ARB2A: variants seen among roughly 807,000 people sequenced by gnomAD.
The protein encoded by ARB2A is cotranscriptional regulator ARB2A.
chr5:93,757,705 A>G, the ARB2A span, among the ~76,000 whole-genome samples: 3 of 152,320 alleles, frequency 2.0e-5, no homozygotes, highest in Admixed American at 2.0e-4. Context: ...CTACCACTAC[A>G]GGAACTGCTA....
chr5:93,844,446 GA>G, the ARB2A span, among the ~76,000 whole-genome samples: 11 of 145,808 alleles, frequency 7.5e-5, no homozygotes, highest in East Asian at 2.0e-4. Context: ...CATCTCAAAA[GA>G]AAAAAAAAAT....
At chr5:93,963,197 T>C in the ARB2A span, among the ~76,000 whole-genome samples, 1 of 151,992 alleles carries the variant, frequency 6.6e-6, no homozygotes, top group Non-Finnish European at 1.5e-5. Context: ...AATTTCAATA[T>C]ATACTTTAAA....
chr5:93,985,792 G>A, the ARB2A span, among the ~76,000 whole-genome samples: 12 of 152,256 alleles, frequency 7.9e-5, no homozygotes, highest in Middle Eastern at 6.8e-3. Flanking sequence ...CCTCCCAGCC[G>A]CCTGCCTTGG....
the ARB2A span, among the ~76,000 whole-genome samples, chr5:94,008,734 AT>A: frequency 2.0e-5 from 3 of 152,152 alleles, no homozygotes; most frequent in Non-Finnish European, 4.4e-5. Context: ...ATATATCTGT[AT>A]GCTTTTCTTC....
chr5:94,045,377 C>T, the ARB2A span, among the ~76,000 whole-genome samples: 3 of 152,010 alleles, frequency 2.0e-5, no homozygotes, highest in African/African-American at 4.8e-5. Flanking sequence ...TCCAAGAACG[C>T]TCTCTTGGGG....
the ARB2A span, among the ~76,000 whole-genome samples, chr5:93,999,784 A>G: frequency 6.6e-6 from 1 of 152,034 alleles, no homozygotes; most frequent in Non-Finnish European, 1.5e-5. Flanking sequence ...AGTACCATAC[A>G]TAGTATTTTT....
At chr5:93,936,811 A>G in the ARB2A span, among the ~76,000 whole-genome samples, 1 of 152,064 alleles carries the variant, frequency 6.6e-6, no homozygotes, top group Non-Finnish European at 1.5e-5. Context: ...TATACCCAGT[A>G]TTGACCATGT....
At chr5:93,919,107 T>C in the ARB2A span, among the ~76,000 whole-genome samples, 1 of 152,234 alleles carries the variant, frequency 6.6e-6, no homozygotes, top group East Asian at 1.9e-4. Context: ...GTCAGCAAAG[T>C]TAGGGAGAAA....
the ARB2A span, among the ~76,000 whole-genome samples, chr5:94,014,614 C>T: frequency 2.6e-5 from 4 of 152,000 alleles, no homozygotes; most frequent in African/African-American, 9.6e-5. Context: ...TTCAAAGTAG[C>T]AGTGTTAAGG....
At chr5:93,986,746 G>GT in the ARB2A span, among the ~76,000 whole-genome samples, 2 of 152,178 alleles carry the variant, frequency 1.3e-5, no homozygotes, top group African/African-American at 2.4e-5. Context: ...AACATGTGCT[G>GT]TGTCAACTCA....
chr5:93,774,454 G>T, the ARB2A span, among the ~76,000 whole-genome samples: 1 of 152,170 alleles, frequency 6.6e-6, no homozygotes, highest in African/African-American at 2.4e-5. Context: ...AAATTCTTGA[G>T]GAAATTAAAA....
At chr5:94,016,885 A>C in the ARB2A span, among the ~76,000 whole-genome samples, 2 of 152,166 alleles carry the variant, frequency 1.3e-5, no homozygotes, top group African/African-American at 4.8e-5. Context: ...GTAGGGTTGA[A>C]GTTTTTAAGT....
chr5:93,751,786 T>C, the ARB2A span, among the ~76,000 whole-genome samples: 2 of 152,318 alleles, frequency 1.3e-5, no homozygotes, highest in Non-Finnish European at 2.9e-5. Context: ...AGCAGACAGA[T>C]TTATTACTGG....
chr5:93,651,670 GT>G, the ARB2A span, among the ~76,000 whole-genome samples: 2 of 152,034 alleles, frequency 1.3e-5, no homozygotes, highest in African/African-American at 4.8e-5. Flanking sequence ...TAAAGAGTAT[GT>G]TTTTCTCCTG....
the ARB2A span, among the ~76,000 whole-genome samples, chr5:93,661,448 G>A: frequency 7.2e-5 from 11 of 152,256 alleles, no homozygotes; most frequent in African/African-American, 2.6e-4. Flanking sequence ...ACAGGAGTAA[G>A]GGGTCATCTT....
the ARB2A span, among the ~76,000 whole-genome samples, chr5:93,680,058 T>C: frequency 1.3e-5 from 2 of 152,110 alleles, no homozygotes; most frequent in Admixed American, 1.3e-4. Flanking sequence ...TTCTGACAAC[T>C]GGAGCTTTCA....
chr5:94,057,217 G>A, the ARB2A span, among the ~76,000 whole-genome samples: 1 of 152,144 alleles, frequency 6.6e-6, no homozygotes, highest in African/African-American at 2.4e-5. Context: ...AATAAAGAAA[G>A]ACATTCTTAC....
At chr5:93,652,095 G>T in the ARB2A span, among the ~76,000 whole-genome samples, 30,273 of 151,998 alleles carry the variant, frequency 0.2, 4,388 homozygotes, top group African/African-American at 0.4. Flanking sequence ...TATCAATAAT[G>T]ACAGGAAATT....
chr5:93,688,954 CCCT>C, the ARB2A span, among the ~76,000 whole-genome samples: 1 of 152,192 alleles, frequency 6.6e-6, no homozygotes, highest in Non-Finnish European at 1.5e-5. Context: ...TAATCCATTA[CCCT>C]TATCACAGCT....
Sources: allele counts gnomAD v4.1 joint callset (sites outside exome capture counted in the v4.1 genomes callset), GRCh38; gene constraint gnomAD v4.1.1; transcripts MANE v1.5; gene names NCBI Gene and HGNC (gene_info 2026-07-23, HGNC 2026-07-21).